The following CKMT2 variants were observed in gnomAD, a reference collection of about 807,000 sequenced individuals.
The protein encoded by CKMT2 is creatine kinase S-type, mitochondrial.
In CKMT2, 43 loss-of-function variants were observed where a neutral mutation model predicts 48.9. The observed-to-expected ratio is 0.88, with a 90% CI of 0.69 to 1.13. The LOEUF (loss-of-function observed/expected upper bound fraction) is 1.13. CKMT2 is among the 50% of genes most tolerant of loss of function. CKMT2 has a pLI of 0.00. For synonymous variants in CKMT2, 206 were observed against 213.0 expected, an observed-to-expected ratio of 0.97 and a Z score of 0.29; for missense variants, 472 against 555.4, an observed-to-expected ratio of 0.85 and a Z score of 1.51.
At position 81,255,775 on chromosome 5, in the gene CKMT2, C is replaced by G. The variant is rs373447505; in HGVS notation, c.669+561C>G. 7.4e-5 allele frequency among the ~76,000 whole-genome samples: 11 copies of G among 149,406 alleles called. No individual in the cohort carries two copies. In the East Asian group the frequency reaches 1.4e-3, roughly 19 times the overall value. On this transcript the variant is annotated intron_variant, in intron 5 of 9. Coordinates refer to ENST00000254035, the MANE Select transcript of CKMT2 (RefSeq NM_001099735.2). ...TCCCTTACTTATTTTCGTCTTAGCA[C>G]AGCTAAAACAAGATGGCATTTTCAA...
chr5:81,262,894 T>C (rs1757271542), intron 8 of CKMT2, among the ~76,000 whole-genome samples: 1 of 152,200 alleles, frequency 6.6e-6, no homozygotes, highest in Admixed American at 6.5e-5. Flanking sequence ...ATTGAGTCAC[T>C]GTTCACAACA....
At chr5:81,264,071 G>A (rs1043956223) in intron 9 of CKMT2, among the ~76,000 whole-genome samples, 4 of 152,182 alleles carry the variant, frequency 2.6e-5, no homozygotes, top group Non-Finnish European at 5.9e-5. Flanking sequence ...TTAGATACTC[G>A]ATGGTTTCTA....
intron 9 of CKMT2, among the ~76,000 whole-genome samples, chr5:81,265,422 AGTTGTAT>A (rs548704356): frequency 3.3e-5 from 5 of 152,088 alleles, no homozygotes; most frequent in Non-Finnish European, 7.4e-5. Context: ...CTCATTCTTT[AGTTGTAT>A]AATGTATGTC....
intron 8 of CKMT2, among the ~76,000 whole-genome samples, chr5:81,262,720 A>G (rs560017593): frequency 4.6e-5 from 7 of 152,318 alleles, no homozygotes; most frequent in African/African-American, 1.4e-4. Flanking sequence ...ATGCTTTCAC[A>G]CTGTTGGTGG....
chr5:81,242,292 A>G, intron 1 of CKMT2: 1 of 317,976 alleles, frequency 3.1e-6, no homozygotes, highest in East Asian at 7.3e-5. Flanking sequence ...TTTCATTCAA[A>G]AGTTTGTGGG....
chr5:81,245,034 G>A (rs771763585), intron 1 of CKMT2: 1 of 152,092 alleles, frequency 6.6e-6, no homozygotes, highest in Non-Finnish European at 1.5e-5. Context: ...GTTATTTTTA[G>A]TAGAGACAGG....
chr5:81,236,261 TGTGGCACCACAGGTTTTAAGCCACAGGG>T (rs1488108921), intron 1 of CKMT2: 1 of 152,326 alleles, frequency 6.6e-6, no homozygotes, highest in African/African-American at 2.4e-5. Flanking sequence ...TGGAATGATC[TGTGGCACCACAGGTTTTAAGCCACAGGG>T]GTGGTTTCCC....
intron 1 of CKMT2, chr5:81,238,420 T>G (rs1426220819): frequency 2.0e-5 from 3 of 152,226 alleles, no homozygotes; most frequent in Non-Finnish European, 4.4e-5. Flanking sequence ...ATCAAAGTGC[T>G]GTAGGTGTTC....
chr5:81,256,862 C>A, intron 5 of CKMT2, 53 bp from the exon 6 acceptor site: 5 of 1,319,314 alleles, frequency 3.8e-6, no homozygotes, highest in Admixed American at 3.8e-5. Context: ...CACTTGCAGT[C>A]CTGTTTGATC....
At position 81,257,730 on chromosome 5, in the gene CKMT2, T is replaced by G; in HGVS notation, c.756-3T>G. The G allele has an allele frequency of 6.2e-7, 1 of 1,609,960 alleles. No individual in the cohort carries two copies. The highest frequency in any genetic ancestry group is 8.5e-7 in the Non-Finnish European group (1 of 1,177,762). On this transcript the variant is annotated splice_polypyrimidine_tract_variant and splice_region_variant and intron_variant, in intron 6 of 9. Coordinates refer to ENST00000254035, the MANE Select transcript of CKMT2 (RefSeq NM_001099735.2). ...CTCAGTACCATATTTCTCTCTTCAT[T>G]AGGCATAATTATGATAAGACATTTC...
chr5:81,257,949 T>C, intron 7 of CKMT2, 93 bp downstream of exon 7: 1 of 1,258,210 alleles, frequency 7.9e-7, no homozygotes. Context: ...ACTTCCAAGA[T>C]GGAGCTAATT....
intron 1 of CKMT2, chr5:81,237,803 C>T (rs958670024): frequency 2.0e-5 from 3 of 152,066 alleles, no homozygotes; most frequent in African/African-American, 7.2e-5. Flanking sequence ...ATATTCAGTC[C>T]TAAGCAAGTT....
At chr5:81,249,376 G>A (rs76843497) in intron 1 of CKMT2, among the ~76,000 whole-genome samples, 2,680 of 152,066 alleles carry the variant, frequency 0.018, 72 homozygotes, top group African/African-American at 0.06. Context: ...CCACCATCCC[G>A]GGCCCATACA....
At chr5:81,245,814 C>G (rs1397655169) in intron 1 of CKMT2, among the ~76,000 whole-genome samples, 1 of 152,094 alleles carries the variant, frequency 6.6e-6, no homozygotes, top group African/African-American at 2.4e-5. Context: ...CCCGGGGCCA[C>G]CACACAGATC....
In CKMT2 at chr5:81,266,390, C is replaced by T. The variant is rs534962285; in HGVS notation, c.*132C>T. The T allele has an allele frequency of 3.9e-6, 3 of 762,614 alleles. No homozygotes were observed. The highest frequency in any genetic ancestry group is 5.6e-5 in the East Asian group (2 of 35,914). 47.2% of individuals were successfully genotyped at this position (762,614 alleles called of 1,614,324 possible). On this transcript the variant is annotated 3_prime_UTR_variant, in exon 10 of 10. Coordinates refer to ENST00000254035, the MANE Select transcript of CKMT2 (RefSeq NM_001099735.2). ...TGCCTATCTTTACAATAAAACTCTCCTTAATATATCTTTGCTTTGTTTCTC... is the reference window on the plus strand; with the variant it reads ...TGCCTATCTTTACAATAAAACTCTCTTTAATATATCTTTGCTTTGTTTCTC...
chr5:81,263,446 C>T, intron 8 of CKMT2, 45 bp from the exon 9 acceptor site: 1 of 1,450,756 alleles, frequency 6.9e-7, no homozygotes, highest in African/African-American at 1.4e-5. Context: ...GATTATGAAT[C>T]AATTTTGCCT....
intron 1 of CKMT2, among the ~76,000 whole-genome samples, chr5:81,245,632 T>C (rs1446344540): frequency 1.3e-5 from 2 of 152,206 alleles, no homozygotes; most frequent in African/African-American, 2.4e-5. Flanking sequence ...GTCTCTGTGC[T>C]GGGCAGAAAT....
chr5:81,257,624 GGAAATGAGGAAGGT>G, intron 6 of CKMT2, 95 bp from the exon 7 acceptor site: 1 of 914,060 alleles, frequency 1.1e-6, no homozygotes, highest in Non-Finnish European at 1.6e-6. Context: ...GGGCCATCTA[GGAAATGAGGAAGGT>G]GAAATGAAGC....
intron 1 of CKMT2, among the ~76,000 whole-genome samples, chr5:81,247,741 T>C (rs1756659556): frequency 6.6e-6 from 1 of 152,192 alleles, no homozygotes; most frequent in Admixed American, 6.5e-5. Context: ...ATTCAATGCC[T>C]CTTTGTGTTC....
Sources: gnomAD v4.1 joint callset for allele counts (sites outside exome capture counted in the v4.1 genomes callset) on GRCh38, gnomAD v4.1.1 for gene constraint, MANE v1.5 for transcripts, NCBI Gene and HGNC (gene_info 2026-07-23, HGNC 2026-07-21) for gene names.